Variants in GALNT13 observed in about 807,000 individuals in gnomAD.
GALNT13 encodes UDP-GalNAc:polypeptide N-acetylgalactosaminyltransferase 13.
In GALNT13, 28 loss-of-function variants were observed where a neutral mutation model predicts 64.2. The ratio of observed to expected loss-of-function variants is 0.44; its 90% CI spans 0.32 to 0.60. The LOEUF (loss-of-function observed/expected upper bound fraction) is 0.60, where lower values mean the gene tolerates loss of function less well. Ranked by LOEUF, GALNT13 falls within the 20% of genes least tolerant of loss-of-function variation. GALNT13 has a pLI of 0.05. For missense variants in GALNT13, 577 were observed against 669.8 expected (o/e 0.86, Z 1.53); for synonymous variants, 214 against 224.6 (o/e 0.95, Z 0.42).
the GALNT13 span, among the ~76,000 whole-genome samples, chr2:153,207,470 C>T: frequency 6.6e-6 from 1 of 151,990 alleles, no homozygotes; most frequent in Non-Finnish European, 1.5e-5. Context: ...ATGATGAACC[C>T]CTACTTGCGT....
chr2:153,270,173 T>C, the GALNT13 span, among the ~76,000 whole-genome samples: 1 of 152,232 alleles, frequency 6.6e-6, no homozygotes, highest in Non-Finnish European at 1.5e-5. Flanking sequence ...TGTAGTAATC[T>C]GCAGACCTTC....
At chr2:153,735,901 C>A in the GALNT13 span, among the ~76,000 whole-genome samples, 1 of 152,180 alleles carries the variant, frequency 6.6e-6, no homozygotes, top group Non-Finnish European at 1.5e-5. Flanking sequence ...TAACTCTGAT[C>A]ACTGATCACT....
the GALNT13 span, among the ~76,000 whole-genome samples, chr2:153,744,332 A>C: frequency 6.6e-6 from 1 of 152,082 alleles, no homozygotes; most frequent in Non-Finnish European, 1.5e-5. Flanking sequence ...ACTCCTCACC[A>C]GCATTTGGTA....
At chr2:154,041,516 T>C (rs953286633) in intron 3 of GALNT13, among the ~76,000 whole-genome samples, 1 of 138,938 alleles carries the variant, frequency 7.2e-6, no homozygotes, top group Non-Finnish European at 1.6e-5. Flanking sequence ...GTAAACACAC[T>C]GTTAAATTCA....
rs567133413 is a variant in GALNT13 at position 154,016,622 on chromosome 2, T to A, written c.142+71983T>A. On this transcript the variant is annotated intron_variant, in intron 3 of 12. Coordinates refer to ENST00000392825, the MANE Select transcript of GALNT13 (RefSeq NM_052917.4). ...TAGTAGAGACGAGGTTTCACCATAT[T>A]GGCCAGGCTGGTCTTGAACTCCTGA... Among the ~76,000 whole-genome samples, 214 of 152,168 alleles carry A rather than the reference T, an allele frequency of 1.4e-3. 1 individual carries two copies. Among genetic ancestry groups the A allele is most frequent in the African/African-American group, 4.8e-3 (201 of 41,518 alleles).
At chr2:154,235,762 T>C (rs1689160669) in intron 4 of GALNT13, among the ~76,000 whole-genome samples, 1 of 152,204 alleles carries the variant, frequency 6.6e-6, no homozygotes, top group Non-Finnish European at 1.5e-5. Flanking sequence ...ATGGATCCTT[T>C]GTGATTTCAC....
chr2:154,240,494 G>A (rs1252306854), intron 4 of GALNT13, among the ~76,000 whole-genome samples: 1 of 152,174 alleles, frequency 6.6e-6, no homozygotes, highest in African/African-American at 2.4e-5. Context: ...TAAATCTCCA[G>A]GTGATGCTGA....
intron 9 of GALNT13, among the ~76,000 whole-genome samples, chr2:154,312,363 C>G (rs1412726176): frequency 6.6e-6 from 1 of 152,172 alleles, no homozygotes; most frequent in Non-Finnish European, 1.5e-5. Context: ...CAATGAACAT[C>G]TTTTGCAATT....
rs1553470480 is a variant in GALNT13 at position 154,043,455 on chromosome 2, T to TACACACAC, written c.143-96875_143-96874insCACACACA. Among the ~76,000 whole-genome samples, 71 of 104,984 alleles carry TACACACAC rather than the reference T, an allele frequency of 6.8e-4. 2 individuals carry two copies. Among genetic ancestry groups the TACACACAC allele is most frequent in the African/African-American group, 2.5e-3 (62 of 24,790 alleles). 68.9% of individuals were successfully genotyped at this position (104,984 alleles called of 152,430 possible). On this transcript the variant is annotated intron_variant, in intron 3 of 12. Transcript: ENST00000392825. ...ATATATATATATATATATATATATA[T>TACACACAC]ACACACATGTATACATAAAAACATG...
intron 11 of GALNT13, among the ~76,000 whole-genome samples, chr2:154,416,398 C>T (rs189364696): frequency 2.7e-4 from 41 of 151,420 alleles, no homozygotes; most frequent in African/African-American, 9.7e-4. Context: ...TCTCATTCCT[C>T]GGGGCAGAGA....
the GALNT13 span, among the ~76,000 whole-genome samples, chr2:153,651,128 A>G: frequency 6.6e-6 from 1 of 152,198 alleles, no homozygotes; most frequent in Non-Finnish European, 1.5e-5. Flanking sequence ...AAGTTCTTTA[A>G]GAGGGTAGAT....
intron 4 of GALNT13, among the ~76,000 whole-genome samples, chr2:154,147,541 C>T (rs912168195): frequency 6.6e-6 from 1 of 151,694 alleles, no homozygotes; most frequent in Non-Finnish European, 1.5e-5. Flanking sequence ...AGAAAGGAGA[C>T]AGCAGAAAGG....
At chr2:153,328,465 A>G in the GALNT13 span, among the ~76,000 whole-genome samples, 1 of 152,164 alleles carries the variant, frequency 6.6e-6, no homozygotes, top group Non-Finnish European at 1.5e-5. Context: ...TAAGCCCCTG[A>G]CTGGGGCTGC....
chr2:153,830,417 G>A, the GALNT13 span, among the ~76,000 whole-genome samples: 1 of 151,986 alleles, frequency 6.6e-6, no homozygotes, highest in Non-Finnish European at 1.5e-5. Context: ...AAGGGTTTAG[G>A]ACATATATTG....
the GALNT13 span, among the ~76,000 whole-genome samples, chr2:153,842,083 T>C: frequency 6.6e-6 from 1 of 151,458 alleles, no homozygotes; most frequent in Non-Finnish European, 1.5e-5. Context: ...AATAGTTTAT[T>C]GTGGAAAAAT....
At chr2:153,151,725 C>T in the GALNT13 span, among the ~76,000 whole-genome samples, 1 of 150,172 alleles carries the variant, frequency 6.7e-6, no homozygotes, top group Admixed American at 6.7e-5. Flanking sequence ...CAAACTATCG[C>T]AAGGACAAAA....
the GALNT13 span, among the ~76,000 whole-genome samples, chr2:153,076,658 A>G: frequency 7.1e-6 from 1 of 140,834 alleles, no homozygotes; most frequent in Admixed American, 7.5e-5. Context: ...TATAACTCTA[A>G]TGATCACAAT....
At chr2:153,539,160 C>T in the GALNT13 span, among the ~76,000 whole-genome samples, 83,286 of 147,404 alleles carry the variant, frequency 0.57, 26,606 homozygotes, top group African/African-American at 0.85. Flanking sequence ...GAGCATTTTT[C>T]CATGTGTTTT....
rs115267593 is a variant in GALNT13, at chr2:153,901,915, T to G, written c.-105+908T>G. 2.1e-3 allele frequency among the ~76,000 whole-genome samples: 324 copies of G among 152,238 alleles called. 1 individual carries two copies. Among genetic ancestry groups the G allele is most frequent in the African/African-American group, 7.0e-3 (292 of 41,556 alleles). On this transcript the variant is annotated intron_variant, in intron 2 of 12. Coordinates refer to ENST00000392825, the MANE Select transcript of GALNT13 (RefSeq NM_052917.4). ...GACCACAGCCTTTTCTTGCACTCCT[T>G]TTTAGTTGCTTTTTGCAGTGAAGAA...
Sources: gnomAD v4.1 joint callset for allele counts (sites outside exome capture counted in the v4.1 genomes callset) on GRCh38, gnomAD v4.1.1 for gene constraint, MANE v1.5 for transcripts, NCBI Gene and HGNC (gene_info 2026-07-23, HGNC 2026-07-21) for gene names.